Variants in EHBP1 observed in about 807,000 individuals in gnomAD.
EHBP1 encodes the protein EH domain-binding protein 1.
In EHBP1, 55 loss-of-function variants were observed where a neutral mutation model predicts 144.0. The ratio of observed to expected loss-of-function variants is 0.38; its 90% CI spans 0.31 to 0.48. The LOEUF (loss-of-function observed/expected upper bound fraction) is 0.48, where lower values mean the gene tolerates loss of function less well. EHBP1 is among the 20% of genes least tolerant of loss of function. EHBP1 has a pLI of 0.98. For missense variants in EHBP1, 1,200 were observed against 1,364.2 expected (o/e 0.88, Z 1.90); for synonymous variants, 469 against 472.7 (o/e 0.99, Z 0.10).
intron 5 of EHBP1, among the ~76,000 whole-genome samples, chr2:62,800,706 T>C (rs2043917823): frequency 6.6e-6 from 1 of 152,202 alleles, no homozygotes; most frequent in South Asian, 2.1e-4. Context: ...TAACAGATTG[T>C]AAAGAAATGA....
chr2:62,826,603 C>G (rs752107584), intron 6 of EHBP1: 9 of 164,546 alleles, frequency 5.5e-5, no homozygotes, highest in Non-Finnish European at 1.0e-4. Flanking sequence ...CTGTTTGATG[C>G]AATTGAGACA....
intron 10 of EHBP1, among the ~76,000 whole-genome samples, chr2:62,926,215 T>C (rs567820084): frequency 2.6e-5 from 4 of 152,050 alleles, no homozygotes; most frequent in Non-Finnish European, 5.9e-5. Context: ...GACTGCCACC[T>C]CTCAAAATGG....
rs149626631 is a variant in EHBP1 at position 62,919,370 on chromosome 2, A to G, written c.1186-23348A>G. Reference sequence around the variant, plus strand: ...AAGACTAGACTATTCAAAAGCAACCATATATATAGGGGAAATTATGAAGTC... The same window carrying G: ...AAGACTAGACTATTCAAAAGCAACCGTATATATAGGGGAAATTATGAAGTC... On this transcript the variant is annotated intron_variant, in intron 10 of 22. Transcript: ENST00000431489. Among the ~76,000 whole-genome samples the G allele has an allele frequency of 1.1e-3, 167 of 152,292 alleles. 1 individual carries two copies. The highest frequency in any genetic ancestry group is 3.8e-3 in the African/African-American group (158 of 41,564).
chr2:62,893,969 T>A (rs1387151803), intron 10 of EHBP1, among the ~76,000 whole-genome samples: 1 of 149,388 alleles, frequency 6.7e-6, no homozygotes, highest in Non-Finnish European at 1.5e-5. Context: ...CACTTGAACA[T>A]GGGAGGCAGA....
chr2:62,848,412 A>G (rs1388077444), intron 7 of EHBP1, among the ~76,000 whole-genome samples: 3 of 152,032 alleles, frequency 2.0e-5, no homozygotes, highest in Admixed American at 1.3e-4. Flanking sequence ...CACTGAACAT[A>G]CACCTACCCT....
At chr2:62,938,670 T>C (rs1053609461) in intron 10 of EHBP1, among the ~76,000 whole-genome samples, 6 of 152,166 alleles carry the variant, frequency 3.9e-5, no homozygotes, top group Non-Finnish European at 7.3e-5. Flanking sequence ...AGCAATAAAT[T>C]ACAAAGTCAG....
chr2:62,770,412 A>C (rs2041571122), intron 4 of EHBP1, among the ~76,000 whole-genome samples: 1 of 152,246 alleles, frequency 6.6e-6, no homozygotes, highest in South Asian at 2.1e-4. Flanking sequence ...TATGAAAAAA[A>C]GTTCAACATC....
intron 19 of EHBP1, among the ~76,000 whole-genome samples, chr2:63,017,502 A>G (rs1412688884): frequency 1.3e-5 from 2 of 152,244 alleles, no homozygotes; most frequent in Non-Finnish European, 2.9e-5. Context: ...TAGATACTTT[A>G]TATCAAGCAT....
upstream of EHBP1, among the ~76,000 whole-genome samples, chr2:62,704,996 T>G (rs1267342324): frequency 6.6e-6 from 1 of 152,222 alleles, no homozygotes; most frequent in Non-Finnish European, 1.5e-5. Context: ...CAAAGAAATG[T>G]TGAAGACTCC....
intron 7 of EHBP1, among the ~76,000 whole-genome samples, chr2:62,845,388 CA>C (rs2048217901): frequency 6.6e-6 from 1 of 152,106 alleles, no homozygotes. Context: ...GAGAGAGTGA[CA>C]TATTTGGCTA....
chr2:62,990,155 C>T (rs2059356437), intron 15 of EHBP1, among the ~76,000 whole-genome samples: 1 of 151,958 alleles, frequency 6.6e-6, no homozygotes, highest in Non-Finnish European at 1.5e-5. Flanking sequence ...TATTGTATTT[C>T]TGCTATCTAA....
intron 5 of EHBP1, among the ~76,000 whole-genome samples, chr2:62,812,149 T>G (rs899179411): frequency 6.6e-6 from 1 of 152,192 alleles, no homozygotes; most frequent in East Asian, 1.9e-4. Flanking sequence ...CCTTTCACTT[T>G]GCGATAATGC....
chr2:62,758,352 G>A (rs952823568), intron 3 of EHBP1, among the ~76,000 whole-genome samples: 7 of 151,970 alleles, frequency 4.6e-5, no homozygotes, highest in South Asian at 2.1e-4. Context: ...CAGATGAGCC[G>A]CCCGCCTCAG....
intron 19 of EHBP1, among the ~76,000 whole-genome samples, chr2:63,030,693 G>A (rs1365973976): frequency 1.4e-5 from 2 of 147,980 alleles, no homozygotes; most frequent in African/African-American, 5.0e-5. Flanking sequence ...GGGTTTCACT[G>A]TGTTAGCCAG....
intron 15 of EHBP1, among the ~76,000 whole-genome samples, chr2:62,981,184 A>T (rs2058952261): frequency 6.6e-6 from 1 of 152,088 alleles, no homozygotes; most frequent in Non-Finnish European, 1.5e-5. Context: ...GCTTTATAGT[A>T]AGATCAGTAA....
intron 16 of EHBP1, among the ~76,000 whole-genome samples, chr2:62,992,402 T>C (rs1238980443): frequency 6.6e-6 from 1 of 152,208 alleles, no homozygotes; most frequent in Non-Finnish European, 1.5e-5. Flanking sequence ...ATGGTTTATC[T>C]GTATAGATAA....
intron 19 of EHBP1, among the ~76,000 whole-genome samples, chr2:63,033,637 C>T (rs1359343053): frequency 6.6e-6 from 1 of 152,046 alleles, no homozygotes; most frequent in Non-Finnish European, 1.5e-5. Flanking sequence ...GTTTTTAAAA[C>T]ATTCATAATT....
chr2:62,804,628 C>T (rs563803925), intron 5 of EHBP1, among the ~76,000 whole-genome samples: 1 of 152,146 alleles, frequency 6.6e-6, no homozygotes, highest in South Asian at 2.1e-4. Flanking sequence ...CATTTTTGGC[C>T]AAGACCCACT....
chr2:62,729,571 A>G (rs1262014222), intron 2 of EHBP1, among the ~76,000 whole-genome samples: 2 of 126,842 alleles, frequency 1.6e-5, no homozygotes, highest in Non-Finnish European at 3.1e-5. Context: ...ATATAATATA[A>G]TAAATAAATA....
Sources: gnomAD v4.1 joint callset for allele counts (sites outside exome capture counted in the v4.1 genomes callset) on GRCh38, gnomAD v4.1.1 for gene constraint, MANE v1.5 for transcripts, NCBI Gene and HGNC (gene_info 2026-07-23, HGNC 2026-07-21) for gene names.